AGO3: variants seen among roughly 807,000 people sequenced by gnomAD.
AGO3 encodes argonaute RISC catalytic component 3, also known as protein argonaute-3.
In AGO3, 16 loss-of-function variants were observed where a neutral mutation model predicts 105.5. The ratio of observed to expected loss-of-function variants is 0.15; its 90% CI spans 0.10 to 0.23. The LOEUF is 0.23. AGO3 is among the 10% of genes least tolerant of loss of function. The pLI, the probability that AGO3 is intolerant of heterozygous loss-of-function variation, is 1.00. For missense variants in AGO3, 534 were observed against 1,088.0 expected, an observed-to-expected ratio of 0.49 and a Z score of 7.16; for synonymous variants, 340 against 367.3, an observed-to-expected ratio of 0.93 and a Z score of 0.85.
intron 5 of AGO3, among the ~76,000 whole-genome samples, chr1:35,981,401 C>G (rs930276122): frequency 2.6e-5 from 4 of 152,138 alleles, no homozygotes; most frequent in Non-Finnish European, 5.9e-5. Context: ...CTCCATTGTT[C>G]TGGTGGACTC....
At chr1:36,017,994 T>C (rs1249864041) in intron 11 of AGO3, among the ~76,000 whole-genome samples, 3 of 151,672 alleles carry the variant, frequency 2.0e-5, no homozygotes, top group Non-Finnish European at 2.9e-5. Context: ...CTCTTTAACC[T>C]GTATTGACAA....
Position 36,064,853 on chromosome 1 carries a change from T to G in AGO3, c.*9108T>G, listed in dbSNP as rs1400983204. ...GATTTGTACTCTGATTATAAGAATT[T>G]GTTACTACTAATTAAAAGCAAATTA... On this transcript the variant is annotated 3_prime_UTR_variant, in exon 19 of 19. Transcript: ENST00000373191. 1 of 152,154 alleles carries G rather than the reference T, an allele frequency of 6.6e-6. No individual in the cohort carries two copies. The highest frequency in any genetic ancestry group is 1.5e-5 in the Non-Finnish European group (1 of 68,036). 9.4% of individuals were successfully genotyped at this position (152,154 alleles called of 1,614,324 possible).
chr1:35,944,653 A>AC (rs1178271654), intron 1 of AGO3, among the ~76,000 whole-genome samples: 1 of 141,474 alleles, frequency 7.1e-6, no homozygotes, highest in Admixed American at 7.8e-5. Context: ...GGCCTGCACC[A>AC]CCATGCCTGG....
rs768289986 is a variant in AGO3 at position 36,009,093 on chromosome 1, T to TTTTTTTTTTTTTTTTTTTGAGAC, written c.1029+49_1029+50insTTTTTTTTTTTTTTTTTTGAGAC. 1.2e-5 allele frequency: 17 copies of TTTTTTTTTTTTTTTTTTTGAGAC among 1,473,320 alleles called. No individual in the cohort carries two copies. The East Asian group carries it at 2.0e-4, about 18-fold the overall frequency. 91.3% of individuals were successfully genotyped at this position (1,473,320 alleles called of 1,614,324 possible). ...AATACCCTGTTGTTCATGATTCTTT[T>TTTTTTTTTTTTTTTTTTTGAGAC]GGGGTCTTTTATGGCCGATAACTTA... On this transcript the variant is annotated intron_variant, in intron 8 of 18. Transcript: ENST00000373191.
intron 15 of AGO3, 134 bp from the exon 16 acceptor site, chr1:36,040,173 A>G: frequency 8.4e-7 from 1 of 1,183,552 alleles, no homozygotes; most frequent in Admixed American, 2.8e-5. Flanking sequence ...ATGTTCTAAT[A>G]ATCGTTAAAA....
chr1:35,985,931 C>T (rs1014849594), intron 5 of AGO3, among the ~76,000 whole-genome samples: 1 of 152,114 alleles, frequency 6.6e-6, no homozygotes, highest in Non-Finnish European at 1.5e-5. Flanking sequence ...AGCCAGTAAA[C>T]ACATGAAAAG....
At chr1:35,932,425 A>T (rs1646068148) in intron 1 of AGO3, among the ~76,000 whole-genome samples, 1 of 152,200 alleles carries the variant, frequency 6.6e-6, no homozygotes, top group South Asian at 2.1e-4. Context: ...TGCCAATTTG[A>T]TATAAGAAAA....
At chr1:35,965,534 A>C (rs933017501) in intron 2 of AGO3, among the ~76,000 whole-genome samples, 2 of 151,722 alleles carry the variant, frequency 1.3e-5, no homozygotes, top group Admixed American at 1.3e-4. Context: ...CAGATTTAGT[A>C]ATAGTGGCCA....
At chr1:36,010,410 C>T (rs1277615950) in intron 9 of AGO3, among the ~76,000 whole-genome samples, 1 of 151,866 alleles carries the variant, frequency 6.6e-6, no homozygotes, top group Non-Finnish European at 1.5e-5. Context: ...TTGGGACCAG[C>T]CTGGGAAACA....
chr1:36,001,005 G>A (rs1290670572), intron 5 of AGO3, among the ~76,000 whole-genome samples: 2 of 152,166 alleles, frequency 1.3e-5, no homozygotes, highest in East Asian at 1.9e-4. Flanking sequence ...GGAGGCCGAG[G>A]CGGGTGGATC....
At position 35,950,595 on chromosome 1, in the gene AGO3, CT is replaced by C. The variant is rs201773266; in HGVS notation, c.191+4733del. Among the ~76,000 whole-genome samples, 541 of 152,150 alleles carry C rather than the reference CT, an allele frequency of 3.6e-3. 7 individuals are homozygous for C. The highest frequency in any genetic ancestry group is 0.012 in the African/African-American group (503 of 41,486). On this transcript the variant is annotated intron_variant, in intron 2 of 18. Transcript: ENST00000373191. ...GATTCTTTCCTTCCTTCTTTTCCCC[CT>C]ATTAAATGATTTTGATTGAATGTTA...
At position 35,989,556 on chromosome 1, in the gene AGO3, A is replaced by T. The variant is rs1410426676; in HGVS notation, c.659-14785A>T. Among the ~76,000 whole-genome samples, 2 of 152,142 alleles carry T rather than the reference A, an allele frequency of 1.3e-5. 1 individual carries two copies. The highest frequency in any genetic ancestry group is 4.8e-5 in the African/African-American group (2 of 41,432). On this transcript the variant is annotated intron_variant, in intron 5 of 18. Coordinates refer to ENST00000373191, the MANE Select transcript of AGO3 (RefSeq NM_024852.4). ...CCAGCCCATTTGCAACTTGCATTTT[A>T]TTATTGTAATTCACAGATTTTAAGA...
At chr1:35,982,251 G>T (rs927406689) in intron 5 of AGO3, among the ~76,000 whole-genome samples, 2 of 152,066 alleles carry the variant, frequency 1.3e-5, no homozygotes, top group African/African-American at 2.4e-5. Context: ...AACATAGTGA[G>T]ACCCCATCTC....
chr1:36,063,826 A>G lies in AGO3; in HGVS notation c.*8081A>G, dbSNP rs1027230068. ...TTTTGTGGCACTATCATAGTTCACT[A>G]TAACTTCAAACTCCTGGGCTCAGGC... is the stretch of plus-strand genomic sequence containing the variant. On this transcript the variant is annotated 3_prime_UTR_variant, in exon 19 of 19. Coordinates refer to ENST00000373191, the MANE Select transcript of AGO3 (RefSeq NM_024852.4). 6.6e-6 allele frequency: 1 copy of G among 152,214 alleles called. No homozygotes were observed. The highest frequency in any genetic ancestry group is 2.4e-5 in the African/African-American group (1 of 41,442). 9.4% of individuals were successfully genotyped at this position (152,214 alleles called of 1,614,324 possible).
At chr1:36,010,567 A>G (rs1640555147) in intron 9 of AGO3, among the ~76,000 whole-genome samples, 1 of 148,908 alleles carries the variant, frequency 6.7e-6, no homozygotes, top group African/African-American at 2.5e-5. Flanking sequence ...ACACCACTGC[A>G]CTCCAGCCTG....
intron 17 of AGO3, among the ~76,000 whole-genome samples, chr1:36,044,388 G>GTT (rs369973598): frequency 6.7e-6 from 1 of 148,682 alleles, no homozygotes; most frequent in Non-Finnish European, 1.5e-5. Context: ...TACAGCTTTA[G>GTT]TTTTTTTTTG....
chr1:35,978,280 C>T (rs1424533108), intron 5 of AGO3, among the ~76,000 whole-genome samples: 1 of 152,134 alleles, frequency 6.6e-6, no homozygotes, highest in Non-Finnish European at 1.5e-5. Context: ...ACCTCCGCCT[C>T]CCTGGTTCAA....
intron 1 of AGO3, among the ~76,000 whole-genome samples, chr1:35,939,876 CTTTTA>C (rs1164925559): frequency 1.3e-5 from 2 of 151,984 alleles, no homozygotes; most frequent in Non-Finnish European, 2.9e-5. Flanking sequence ...ACTTTTCCCT[CTTTTA>C]TATTTTTGAA....
At chr1:36,051,632 A>C (rs1418702457) in intron 17 of AGO3, among the ~76,000 whole-genome samples, 3 of 152,112 alleles carry the variant, frequency 2.0e-5, no homozygotes, top group Admixed American at 6.6e-5. Context: ...AGGTGGGAGG[A>C]TCACTGGAGC....
Sources: gnomAD v4.1 joint callset for allele counts (sites outside exome capture counted in the v4.1 genomes callset) on GRCh38, gnomAD v4.1.1 for gene constraint, MANE v1.5 for transcripts, NCBI Gene and HGNC (gene_info 2026-07-23, HGNC 2026-07-21) for gene names.